DAPK1: variants seen among roughly 807,000 people sequenced by gnomAD.
DAPK1 encodes the protein death-associated protein kinase 1.
Under a neutral mutation model 144.9 loss-of-function variants are expected in DAPK1, and 56 were observed. The ratio of observed to expected loss-of-function variants is 0.39; its 90% CI spans 0.31 to 0.48. The LOEUF (loss-of-function observed/expected upper bound fraction) is 0.48, where lower values mean the gene tolerates loss of function less well. Among genes scored for constraint, DAPK1 ranks in the 20% least tolerant of loss-of-function variants. The pLI, the probability that DAPK1 is intolerant of heterozygous loss-of-function variation, is 0.95. For synonymous variants in DAPK1, 690 were observed against 749.0 expected (o/e 0.92, Z 1.29); for missense variants, 1,454 against 1,875.4 (o/e 0.78, Z 4.15).
At chr9:87,500,212 T>A (rs1415697562) in intron 2 of DAPK1, among the ~76,000 whole-genome samples, 1 of 152,186 alleles carries the variant, frequency 6.6e-6, no homozygotes, top group African/African-American at 2.4e-5. Context: ...TAGTGTAGAA[T>A]TTTTTTAAAA....
At chr9:87,589,004 T>A (rs1828033125) in intron 2 of DAPK1, among the ~76,000 whole-genome samples, 1 of 150,024 alleles carries the variant, frequency 6.7e-6, no homozygotes, top group African/African-American at 2.5e-5. Flanking sequence ...TTCTCCTGCC[T>A]CAGCCTTCCA....
In DAPK1 at chr9:87,639,658, A is replaced by G. The variant is rs1459204941; in HGVS notation, c.562A>G (p.Ile188Val). 6.2e-7 allele frequency: 1 copy of G among 1,614,128 alleles called. No homozygotes were observed. Residue 188 changes from isoleucine (I) to valine (V), a missense_variant, in exon 6 of 26, where the codon ATA (isoleucine) becomes GTA (valine). This residue lies in a region of DAPK1 where 429 missense variants were observed against 637.5 expected (regional missense o/e 0.67). Transcript: ENST00000408954. ...TGTTTGTTTCCTCTTAGCTCCTGAG[A>G]TAGTCAACTATGAACCTCTTGGTCT... ...FGTPEFVAPE[I>V]VNYEPLGLEA...
At chr9:87,515,589 T>C (rs1163518392) in intron 2 of DAPK1, among the ~76,000 whole-genome samples, 1 of 152,056 alleles carries the variant, frequency 6.6e-6, no homozygotes, top group Non-Finnish European at 1.5e-5. Context: ...AACTCAGCTG[T>C]CCAATAGCAG....
intron 2 of DAPK1, among the ~76,000 whole-genome samples, chr9:87,549,734 T>C (rs1212418980): frequency 6.6e-6 from 1 of 152,202 alleles, no homozygotes; most frequent in Non-Finnish European, 1.5e-5. Context: ...CTTGTACAAC[T>C]CGTAGCAGAG....
At chr9:87,649,821 G>C in intron 15 of DAPK1, 100 bp from the exon 16 acceptor site, 1 of 1,107,988 alleles carries the variant, frequency 9.0e-7, no homozygotes, top group Non-Finnish European at 1.4e-6. Context: ...TGCTGCCTTG[G>C]TTGCGTTTCT....
At chr9:87,587,572 C>T (rs1287427946) in intron 2 of DAPK1, among the ~76,000 whole-genome samples, 3 of 152,226 alleles carry the variant, frequency 2.0e-5, no homozygotes, top group African/African-American at 7.2e-5. Context: ...TGACCATCCA[C>T]TTCTAAGGCC....
At chr9:87,543,394 A>G (rs1322315954) in intron 2 of DAPK1, among the ~76,000 whole-genome samples, 2 of 152,246 alleles carry the variant, frequency 1.3e-5, no homozygotes, top group Non-Finnish European at 2.9e-5. Flanking sequence ...CCATTGCCTA[A>G]TAATAGTTGA....
At chr9:87,652,772 G>A (rs71489461) in intron 17 of DAPK1, among the ~76,000 whole-genome samples, 59 of 117,414 alleles carry the variant, frequency 5.0e-4, no homozygotes, top group Middle Eastern at 6.7e-3. Context: ...ACCTGATCCC[G>A]GGTCCTGATT....
intron 13 of DAPK1, 70 bp downstream of exon 13, chr9:87,646,629 A>G: frequency 8.0e-7 from 1 of 1,245,900 alleles, no homozygotes; most frequent in Non-Finnish European, 1.2e-6. Flanking sequence ...CATAGGGGTA[A>G]CAGAGGAAAA....
At chr9:87,597,287 C>T (rs912663508) in intron 2 of DAPK1, among the ~76,000 whole-genome samples, 6 of 152,182 alleles carry the variant, frequency 3.9e-5, no homozygotes, top group Non-Finnish European at 8.8e-5. Context: ...TGCTTCCCAT[C>T]ACCTACTTCC....
chr9:87,697,939 TGA>T (rs1825317305), intron 22 of DAPK1, among the ~76,000 whole-genome samples: 1 of 152,076 alleles, frequency 6.6e-6, no homozygotes. Flanking sequence ...GGTGACACAG[TGA>T]GACCCTGTCT....
rs763359644 is a variant in DAPK1 at position 87,675,848 on chromosome 9, TACACACACACACACAC to T, written c.2002-5523_2002-5508del. On this transcript the variant is annotated intron_variant, in intron 19 of 25. Transcript: ENST00000408954. The stretch of plus-strand genomic sequence containing the variant: ...TAATACAGGTAAATACATTCTACCC[TACACACACACACACAC>T]ACACACACACACACACACACACACA... 7.2e-4 allele frequency among the ~76,000 whole-genome samples: 84 copies of T among 117,346 alleles called. 1 individual carries two copies. Among genetic ancestry groups the T allele is most frequent in the Middle Eastern group, 9.9e-3 (2 of 202 alleles). The allele number at this position is 117,346 out of a possible 152,430, so 77.0% of individuals were successfully genotyped here.
At chr9:87,594,307 G>A (rs952431906) in intron 2 of DAPK1, among the ~76,000 whole-genome samples, 1 of 152,122 alleles carries the variant, frequency 6.6e-6, no homozygotes, top group African/African-American at 2.4e-5. Context: ...GCAGGCAGGT[G>A]TTCTGTGTTA....
At chr9:87,677,101 C>G (rs36217082) in intron 19 of DAPK1, among the ~76,000 whole-genome samples, 1 of 152,224 alleles carries the variant, frequency 6.6e-6, no homozygotes, top group African/African-American at 2.4e-5. Context: ...GCGCCGTGCA[C>G]GTGGAAGTTA....
At chr9:87,524,070 T>C (rs1160008844) in intron 2 of DAPK1, among the ~76,000 whole-genome samples, 4 of 152,216 alleles carry the variant, frequency 2.6e-5, no homozygotes, top group African/African-American at 9.6e-5. Context: ...GTACAGCCCA[T>C]GAGAGGCAAG....
intron 2 of DAPK1, chr9:87,525,614 A>G (rs1204951721): frequency 3.0e-6 from 2 of 660,734 alleles, no homozygotes; most frequent in Non-Finnish European, 5.2e-6. Context: ...TCAGTTTCCA[A>G]AAAGAACCTG....
intron 2 of DAPK1, among the ~76,000 whole-genome samples, chr9:87,529,981 AC>A (rs918185614): frequency 6.6e-6 from 1 of 151,972 alleles, no homozygotes; most frequent in African/African-American, 2.4e-5. Context: ...GCTTCTCAGA[AC>A]CCCTGCTTCC....
chr9:87,706,862 A>C lies in DAPK1; in HGVS notation c.3791A>C (p.Lys1264Thr), dbSNP rs776092155. 3 of 1,613,874 alleles carry C rather than the reference A, an allele frequency of 1.9e-6. No individual in the cohort carries two copies. In the East Asian group the frequency reaches 6.7e-5, roughly 36 times the overall value. ...PRDFFRAQTL[K>T]ETSLTNTMGG... is the part of the protein sequence containing the mutation. ...GACTTCTTCCGGGCACAGACTCTGA[A>C]GGAAACCTCACTGACCAACACCATG... The change falls in exon 26 of 26, where the codon AAG (lysine) becomes ACG (threonine). Residue 1264 changes from lysine to threonine, a missense_variant. Physicochemically the swap from Lys to Thr is moderately conservative, Grantham distance 78 (BLOSUM62 -1). This residue lies in a region of DAPK1 where 1,025 missense variants were observed against 1,237.9 expected (regional missense o/e 0.83). Transcript: ENST00000408954. This position sits in a 1 kb window ranked among gnomAD's most constrained non-coding sequence, Gnocchi z 9.0.
intron 2 of DAPK1, among the ~76,000 whole-genome samples, chr9:87,603,092 T>TGGCTG (rs367770068): frequency 6.6e-6 from 1 of 152,152 alleles, no homozygotes; most frequent in Non-Finnish European, 1.5e-5. Flanking sequence ...GGTTGTTGGT[T>TGGCTG]GGCTGGGCTG....
Sources: gnomAD v4.1 joint callset for allele counts (sites outside exome capture counted in the v4.1 genomes callset) on GRCh38, gnomAD v4.1.1 for gene constraint, gnomAD v4.1.1 regional missense constraint, Gnocchi (gnomAD v3.1) non-coding constraint, MANE v1.5 for transcripts, NCBI Gene and HGNC (gene_info 2026-07-23, HGNC 2026-07-21) for gene names.